CYSLTR1: variants seen among roughly 807,000 people sequenced by gnomAD.
The protein encoded by CYSLTR1 is G-protein coupled receptor HG55.
Under a neutral mutation model 2.1 loss-of-function variants are expected in CYSLTR1, and 1 was observed. That is an observed-to-expected ratio of 0.48 (90% confidence interval 0.17 to 2.28). The LOEUF is 2.28. CYSLTR1 is among the 30% of genes most tolerant of loss of function. CYSLTR1 has a pLI of 0.26. For missense variants in CYSLTR1, 299 were observed against 250.1 expected (o/e 1.20, Z -1.32); for synonymous variants, 110 against 89.6 (o/e 1.23, Z -1.28).
intron 1 of CYSLTR1, among the ~76,000 whole-genome samples, chrX:78,299,946 A>G (rs1271561899): frequency 9.0e-6 from 1 of 111,231 alleles, no homozygotes; most frequent in African/African-American, 3.3e-5. Context: ...TTTTGAGGCT[A>G]TTTTTTAGAT....
chrX:78,273,336 C>T lies in CYSLTR1; in HGVS notation c.411G>A (p.Gln137=). The T allele has an allele frequency of 8.3e-7, 1 of 1,211,091 alleles. No individual in the cohort carries two copies. The highest frequency in any genetic ancestry group is 1.1e-6 in the Non-Finnish European group (1 of 895,316). ...FPVQNINLVT[Q]KKARFVCVGI... ...CTACACACACAAACCTGGCTTTTTT[C>T]TGTGTAACCAAATTAATGTTCTGGA... Residue 137 remains glutamine (Q), a synonymous_variant, in exon 3 of 3, where the codon CAG becomes CAA. Coordinates refer to ENST00000373304, the MANE Select transcript of CYSLTR1 (RefSeq NM_006639.4).
intron 2 of CYSLTR1, among the ~76,000 whole-genome samples, chrX:78,279,260 C>CA (rs745315299): frequency 4.7e-3 from 500 of 107,151 alleles, no homozygotes; most frequent in Middle Eastern, 0.019. Flanking sequence ...AATCAACATG[C>CA]AAAAAAAAAC....
intron 1 of CYSLTR1, among the ~76,000 whole-genome samples, chrX:78,302,123 G>T: frequency 8.9e-6 from 1 of 112,166 alleles, no homozygotes; most frequent in Non-Finnish European, 1.9e-5. Flanking sequence ...TGAGATTTGG[G>T]TGAGGATACA....
At chrX:78,323,245 C>T (rs981339719) in intron 1 of CYSLTR1, among the ~76,000 whole-genome samples, 1 of 111,747 alleles carries the variant, frequency 8.9e-6, no homozygotes, top group Non-Finnish European at 1.9e-5. Flanking sequence ...ACCTAATTAC[C>T]AGCAGCTTGG....
At chrX:78,292,922 G>C (rs186209504) in intron 1 of CYSLTR1, among the ~76,000 whole-genome samples, 6 of 109,842 alleles carry the variant, frequency 5.5e-5, no homozygotes, top group African/African-American at 1.7e-4. Flanking sequence ...GGTCTTGACT[G>C]TTTATCCAAT....
chrX:78,318,042 C>T (rs1923492353), intron 1 of CYSLTR1, among the ~76,000 whole-genome samples: 1 of 112,102 alleles, frequency 8.9e-6, no homozygotes, highest in African/African-American at 3.2e-5. Context: ...TGGGTATATA[C>T]CTGAAGGAAT....
intron 1 of CYSLTR1, among the ~76,000 whole-genome samples, chrX:78,304,121 T>C (rs1922935633): frequency 8.9e-6 from 1 of 111,871 alleles, no homozygotes; most frequent in African/African-American, 3.3e-5. Flanking sequence ...ACAGGCTTGG[T>C]CAGGCACTCT....
intron 1 of CYSLTR1, among the ~76,000 whole-genome samples, chrX:78,305,771 C>T (rs138575413): frequency 0.023 from 2,540 of 112,814 alleles, 32 homozygotes; most frequent in Non-Finnish European, 0.037. Context: ...CTTAGCATAA[C>T]GCCCTCAAGG....
intron 1 of CYSLTR1, among the ~76,000 whole-genome samples, chrX:78,309,723 G>A (rs1160469215): frequency 8.9e-6 from 1 of 111,982 alleles, no homozygotes; most frequent in African/African-American, 3.2e-5. Context: ...GGGATTGAAT[G>A]ACTTAGTTTT....
At position 78,273,075 on chromosome X, in the gene CYSLTR1, A is replaced by AT. The variant is rs766746913; in HGVS notation, c.671dup (p.Asn224LysfsTer6). On this transcript the variant is annotated frameshift_variant, in exon 3 of 3. Coordinates refer to ENST00000373304, the MANE Select transcript of CYSLTR1 (RefSeq NM_006639.4). LOFTEE classifies it high-confidence loss of function. ...CTATAGCCTTTTTATGACTTGACAG[A>AT]TTTTTTTTCATTGATTTTTTTAGTA... The AT allele has an allele frequency of 2.0e-5, 24 of 1,209,450 alleles. No homozygotes were observed. The highest frequency in any genetic ancestry group is 2.7e-5 in the Non-Finnish European group (24 of 894,153).
chrX:78,308,675 T>C (rs778541344), intron 1 of CYSLTR1, among the ~76,000 whole-genome samples: 2 of 112,410 alleles, frequency 1.8e-5, no homozygotes, highest in African/African-American at 6.5e-5. Context: ...AGTGTTATTA[T>C]ATGCATTCAT....
intron 1 of CYSLTR1, among the ~76,000 whole-genome samples, chrX:78,297,038 G>A (rs1024432651): frequency 9.0e-6 from 1 of 111,408 alleles, no homozygotes; most frequent in Non-Finnish European, 1.9e-5. Flanking sequence ...TGTTGTAATA[G>A]GGCTTTTATT....
intron 1 of CYSLTR1, among the ~76,000 whole-genome samples, chrX:78,312,522 A>G (rs904384154): frequency 3.6e-5 from 4 of 112,210 alleles, no homozygotes; most frequent in Non-Finnish European, 7.5e-5. Flanking sequence ...GAAATTACCA[A>G]CAAAGTAAAT....
chrX:78,274,821 T>C (rs1238241484), intron 2 of CYSLTR1, among the ~76,000 whole-genome samples: 1 of 110,965 alleles, frequency 9.0e-6, no homozygotes, highest in Non-Finnish European at 1.9e-5. Context: ...ATTTTTGCAA[T>C]CTACTCATCT....
intron 1 of CYSLTR1, among the ~76,000 whole-genome samples, chrX:78,287,311 A>G (rs1470961004): frequency 1.8e-5 from 2 of 112,187 alleles, no homozygotes; most frequent in South Asian, 3.7e-4. Flanking sequence ...TGGAAAAGCT[A>G]TATGCAAAAG....
At chrX:78,306,512 A>G (rs1923038399) in intron 1 of CYSLTR1, among the ~76,000 whole-genome samples, 2 of 111,736 alleles carry the variant, frequency 1.8e-5, no homozygotes, top group African/African-American at 6.5e-5. Context: ...TATTTATAGT[A>G]AGTGCCCTGT....
chrX:78,292,167 T>A (rs1425853958), intron 1 of CYSLTR1, among the ~76,000 whole-genome samples: 4 of 112,290 alleles, frequency 3.6e-5, no homozygotes, highest in Admixed American at 1.9e-4. Context: ...TGGTACGTTG[T>A]GTCTTTGTTT....
intron 1 of CYSLTR1, among the ~76,000 whole-genome samples, chrX:78,290,100 T>TCTA (rs1415118876): frequency 4.5e-5 from 5 of 110,666 alleles, no homozygotes; most frequent in African/African-American, 1.6e-4. Flanking sequence ...TTTTAGGTCT[T>TCTA]ACATTTAAGT....
chrX:78,278,087 ATCT>A (rs1921679120), intron 2 of CYSLTR1, among the ~76,000 whole-genome samples: 1 of 112,256 alleles, frequency 8.9e-6, no homozygotes, highest in African/African-American at 3.2e-5. Flanking sequence ...AACCAAACTG[ATCT>A]TCTAGAGCTG....
Sources: allele counts gnomAD v4.1 joint callset (sites outside exome capture counted in the v4.1 genomes callset), GRCh38; gene constraint gnomAD v4.1.1; transcripts MANE v1.5; gene names NCBI Gene and HGNC (gene_info 2026-07-23, HGNC 2026-07-21).